The following PIWIL2 variants were observed in gnomAD, a reference collection of about 807,000 sequenced individuals.
PIWIL2 encodes piwi-like protein 2.
PIWIL2 carries 81 observed loss-of-function variants against 116.5 expected under a neutral mutation model. The observed-to-expected ratio is 0.70, with a 90% CI of 0.58 to 0.84. The LOEUF (loss-of-function observed/expected upper bound fraction) is 0.84, where lower values mean the gene tolerates loss of function less well. PIWIL2 is among the 40% of genes least tolerant of loss of function. PIWIL2 has a pLI of 0.00. For missense variants in PIWIL2, 1,272 were observed against 1,212.3 expected (o/e 1.05, Z -0.73); for synonymous variants, 489 against 429.5 (o/e 1.14, Z -1.71).
chr8:22,281,243 T>A (rs755871439), intron 3 of PIWIL2, 36 bp downstream of exon 3: 2 of 1,553,004 alleles, frequency 1.3e-6, no homozygotes, highest in South Asian at 2.3e-5. Flanking sequence ...TTTGGTGGTA[T>A]GTATGATTGG....
intron 9 of PIWIL2, 126 bp downstream of exon 9, chr8:22,290,053 A>G: frequency 1.4e-6 from 1 of 736,498 alleles, no homozygotes; most frequent in South Asian, 1.8e-5. Context: ...TATCAATTAA[A>G]TCTCTTCCTT....
rs1430141790 is a variant in PIWIL2 at position 22,279,501 on chromosome 8, C to G, written c.115C>G (p.Leu39Val). 6 of 1,614,052 alleles carry G rather than the reference C, an allele frequency of 3.7e-6. No homozygotes were observed. In the African/African-American group the frequency reaches 5.3e-5, roughly 14 times the overall value. ...AGCTTCTAAACCTTTGGACCCAGCT[C>G]TGGGCAGGGGAGCACCTGCAGGCAG... ...PQASKPLDPALGRGAPAGRGH... is the reference protein window; with the variant it reads ...PQASKPLDPAVGRGAPAGRGH... The change falls in exon 2 of 23, where the codon CTG becomes GTG. Residue 39 changes from leucine (L) to valine (V), a missense_variant. By Grantham distance (32) the Leu-to-Val change is conservative. Transcript: ENST00000356766.
intron 20 of PIWIL2, among the ~76,000 whole-genome samples, chr8:22,329,236 T>TA (rs1161547598): frequency 1.3e-5 from 2 of 152,354 alleles, no homozygotes; most frequent in Admixed American, 6.5e-5. Flanking sequence ...TTCAGATTAA[T>TA]ACCAAATTAA....
chr8:22,341,595 CAA>C (rs34495366), intron 20 of PIWIL2, among the ~76,000 whole-genome samples: 9 of 99,460 alleles, frequency 9.0e-5, no homozygotes, highest in African/African-American at 2.0e-4. Context: ...AACTCCGTCT[CAA>C]AAAAAAAAAA....
chr8:22,280,464 C>T (rs1830474736), intron 2 of PIWIL2, among the ~76,000 whole-genome samples: 1 of 152,036 alleles, frequency 6.6e-6, no homozygotes, highest in Non-Finnish European at 1.5e-5. Flanking sequence ...TAGGGAGAAC[C>T]TAATGAAGTT....
chr8:22,278,301 CTT>C (rs1283710943), intron 1 of PIWIL2, among the ~76,000 whole-genome samples: 2 of 152,178 alleles, frequency 1.3e-5, no homozygotes, highest in South Asian at 2.1e-4. Context: ...CAGCAGATCT[CTT>C]GAGCCCAGGT....
intron 20 of PIWIL2, among the ~76,000 whole-genome samples, chr8:22,329,795 G>T (rs1331029403): frequency 2.6e-5 from 4 of 152,208 alleles, no homozygotes; most frequent in Non-Finnish European, 5.9e-5. Flanking sequence ...GACTGATAGG[G>T]TGTGAGCATG....
intron 20 of PIWIL2, among the ~76,000 whole-genome samples, chr8:22,318,650 A>T (rs1414294200): frequency 6.6e-6 from 1 of 152,156 alleles, no homozygotes; most frequent in African/African-American, 2.4e-5. Context: ...TACCTATGTG[A>T]ACACTTTACA....
chr8:22,296,125 G>C lies in PIWIL2; in HGVS notation c.1181+5779G>C, dbSNP rs529369656. ...GGCTAGAGTGCAGTGGTGCGATCTCGGCTCACTGCAACTTCCACCTCCCAG... is the reference window on the plus strand; with the variant it reads ...GGCTAGAGTGCAGTGGTGCGATCTCCGCTCACTGCAACTTCCACCTCCCAG... On this transcript the variant is annotated intron_variant, in intron 10 of 22. Transcript: ENST00000356766. Among the ~76,000 whole-genome samples, 41 of 146,398 alleles carry C rather than the reference G, an allele frequency of 2.8e-4. 1 individual carries two copies. In the East Asian group the frequency reaches 7.7e-3, roughly 28 times the overall value.
chr8:22,299,098 T>G (rs1830982769), intron 10 of PIWIL2, among the ~76,000 whole-genome samples: 1 of 152,218 alleles, frequency 6.6e-6, no homozygotes, highest in Non-Finnish European at 1.5e-5. Context: ...ATATGAATAT[T>G]TGTTTTCATT....
rs190137002 is a variant in PIWIL2, at chr8:22,354,811, T to A, written c.2765+433T>A. 1.7e-4 allele frequency among the ~76,000 whole-genome samples: 26 copies of A among 152,340 alleles called. 1 individual carries two copies. Among genetic ancestry groups the A allele is most frequent in the African/African-American group, 6.3e-4 (26 of 41,586 alleles). On this transcript the variant is annotated intron_variant, in intron 22 of 22. Coordinates refer to ENST00000356766, the MANE Select transcript of PIWIL2 (RefSeq NM_018068.5). Reference sequence around the variant, plus strand: ...GAGGCTGGGTGCGGTGGCTCACGCCTATAATCCCAGCACTTTGGGAGGCTG... The same window carrying A: ...GAGGCTGGGTGCGGTGGCTCACGCCAATAATCCCAGCACTTTGGGAGGCTG...
chr8:22,305,880 G>A, intron 12 of PIWIL2, 47 bp from the exon 13 acceptor site: 1 of 1,373,764 alleles, frequency 7.3e-7, no homozygotes, highest in South Asian at 1.2e-5. Context: ...TCGGGAACAT[G>A]AGCCTCTTGT....
chr8:22,283,894 G>A (rs1830571414), intron 5 of PIWIL2, among the ~76,000 whole-genome samples: 1 of 152,178 alleles, frequency 6.6e-6, no homozygotes, highest in Non-Finnish European at 1.5e-5. Flanking sequence ...TCATTCTTGT[G>A]TTCCTAGTTA....
intron 7 of PIWIL2, among the ~76,000 whole-genome samples, chr8:22,288,298 CAA>C (rs5890028): frequency 2.9e-5 from 3 of 102,232 alleles, no homozygotes; most frequent in Non-Finnish European, 3.8e-5. Flanking sequence ...ACTCTGTCTC[CAA>C]AAAAAAAAAA....
chr8:22,305,912 G>C lies in PIWIL2; in HGVS notation c.1456-15G>C. ...TTGTACTGCCTTATTTTCCCTCTTC[G>C]TTCTCTCTTCAAAGCTGCTAAAAGG... is the stretch of plus-strand genomic sequence containing the variant. On this transcript the variant is annotated splice_polypyrimidine_tract_variant and intron_variant, in intron 12 of 22. Transcript: ENST00000356766. 1 of 1,602,372 alleles carries C rather than the reference G, an allele frequency of 6.2e-7. No individual in the cohort carries two copies. Among genetic ancestry groups the C allele is most frequent in the Non-Finnish European group, 8.6e-7 (1 of 1,169,526 alleles).
At chr8:22,330,830 G>A (rs1452441187) in intron 20 of PIWIL2, among the ~76,000 whole-genome samples, 3 of 151,950 alleles carry the variant, frequency 2.0e-5, no homozygotes, top group Admixed American at 2.0e-4. Context: ...CCATGCATAC[G>A]TGTCCTACTT....
At chr8:22,330,744 A>AT (rs77514002) in intron 20 of PIWIL2, among the ~76,000 whole-genome samples, 2,034 of 150,050 alleles carry the variant, frequency 0.014, 80 homozygotes, top group Admixed American at 0.091. Context: ...AAATAAATAA[A>AT]AATAGTTGAT....
chr8:22,318,834 GC>G (rs1831529223), intron 20 of PIWIL2, among the ~76,000 whole-genome samples: 1 of 152,208 alleles, frequency 6.6e-6, no homozygotes, highest in African/African-American at 2.4e-5. Flanking sequence ...CAGGTTGTCA[GC>G]CTGATGTCTC....
intron 20 of PIWIL2, among the ~76,000 whole-genome samples, chr8:22,345,069 T>G (rs1012153945): frequency 6.6e-6 from 1 of 152,230 alleles, no homozygotes; most frequent in Non-Finnish European, 1.5e-5. Context: ...TCCCAGCTAC[T>G]CTTAAAGATA....
Sources: allele counts gnomAD v4.1 joint callset (sites outside exome capture counted in the v4.1 genomes callset), GRCh38; gene constraint gnomAD v4.1.1; transcripts MANE v1.5; gene names NCBI Gene and HGNC (gene_info 2026-07-23, HGNC 2026-07-21).